NR6A1: variants seen among roughly 807,000 people sequenced by gnomAD.
NR6A1 encodes retinoic acid receptor-related testis-associated receptor.
NR6A1 carries 7 observed loss-of-function variants against 59.1 expected under a neutral mutation model. That is an observed-to-expected ratio of 0.12 (90% CI 0.07 to 0.22). NR6A1 has a LOEUF of 0.22. Among genes scored for constraint, NR6A1 ranks in the 10% least tolerant of loss-of-function variants. NR6A1 has a pLI of 1.00. For synonymous variants in NR6A1, 243 were observed against 236.1 expected, an observed-to-expected ratio of 1.03 and a Z score of -0.27; for missense variants, 468 against 611.6, an observed-to-expected ratio of 0.77 and a Z score of 2.48.
chr9:124,634,509 T>A (rs1430514140), intron 2 of NR6A1, among the ~76,000 whole-genome samples: 1 of 152,196 alleles, frequency 6.6e-6, no homozygotes, highest in Non-Finnish European at 1.5e-5. Context: ...TTAGTTTTCT[T>A]GCTTTTATTT....
chr9:124,700,029 T>C (rs559156518), intron 2 of NR6A1, among the ~76,000 whole-genome samples: 33 of 152,136 alleles, frequency 2.2e-4, no homozygotes, highest in Middle Eastern at 3.4e-3. Flanking sequence ...CCTTTTTTTT[T>C]AGTAGAGATG....
chr9:124,566,834 C>G (rs541286146), intron 2 of NR6A1, among the ~76,000 whole-genome samples: 1 of 152,156 alleles, frequency 6.6e-6, no homozygotes, highest in Non-Finnish European at 1.5e-5. Context: ...ACAGGCCGGG[C>G]GCGGTGGCTC....
chr9:124,598,663 A>AC (rs1398193530), intron 2 of NR6A1: 6 of 398,806 alleles, frequency 1.5e-5, no homozygotes, highest in Non-Finnish European at 2.6e-5. Flanking sequence ...AAAAAAAAAA[A>AC]AAAAAACAAG....
At chr9:124,547,733 T>C (rs1020279771) in intron 3 of NR6A1, among the ~76,000 whole-genome samples, 6 of 152,212 alleles carry the variant, frequency 3.9e-5, no homozygotes, top group African/African-American at 1.4e-4. Flanking sequence ...CAAGCCCAAA[T>C]TAAGGGATAT....
chr9:124,581,940 C>T (rs1298270243), intron 2 of NR6A1, among the ~76,000 whole-genome samples: 7 of 152,018 alleles, frequency 4.6e-5, no homozygotes, highest in African/African-American at 9.7e-5. Context: ...CTGGCGAGGC[C>T]GTGGAGAAAT....
At chr9:124,596,451 C>T (rs1835275817) in intron 2 of NR6A1, among the ~76,000 whole-genome samples, 1 of 152,268 alleles carries the variant, frequency 6.6e-6, no homozygotes, top group South Asian at 2.1e-4. Context: ...CCCTTCATTT[C>T]CATGCTCTGG....
chr9:124,715,802 G>C (rs1434982361), intron 2 of NR6A1, among the ~76,000 whole-genome samples: 1 of 152,178 alleles, frequency 6.6e-6, no homozygotes, highest in Non-Finnish European at 1.5e-5. Flanking sequence ...TTCAAGATCT[G>C]TTATAAAGTT....
chr9:124,697,432 C>T (rs764324571), intron 2 of NR6A1, among the ~76,000 whole-genome samples: 1 of 151,734 alleles, frequency 6.6e-6, no homozygotes, highest in Non-Finnish European at 1.5e-5. Context: ...ATAGGAGGGA[C>T]CAATCCAGTC....
At chr9:124,676,037 C>T (rs1042203583) in intron 2 of NR6A1, among the ~76,000 whole-genome samples, 1 of 152,040 alleles carries the variant, frequency 6.6e-6, no homozygotes, top group African/African-American at 2.4e-5. Context: ...GGTTTTCTTG[C>T]AAAATATAAA....
chr9:124,597,165 G>T (rs1453293991), intron 2 of NR6A1, among the ~76,000 whole-genome samples: 2 of 152,016 alleles, frequency 1.3e-5, no homozygotes, highest in Non-Finnish European at 2.9e-5. Flanking sequence ...AGCCTAAAGA[G>T]AAAGTGACCA....
intron 2 of NR6A1, among the ~76,000 whole-genome samples, chr9:124,627,962 T>C (rs1465670197): frequency 7.2e-6 from 1 of 137,990 alleles, no homozygotes; most frequent in East Asian, 2.2e-4. Flanking sequence ...TAAATGTAGA[T>C]GGAAGAAAAT....
intron 2 of NR6A1, among the ~76,000 whole-genome samples, chr9:124,667,162 G>A (rs543739903): frequency 1.5e-3 from 225 of 151,582 alleles, no homozygotes; most frequent in African/African-American, 5.3e-3. Context: ...AGCCTCCTGA[G>A]TAGCTGGGAT....
Position 124,560,990 on chromosome 9 carries a change from T to A in NR6A1, c.143-6420A>T, listed in dbSNP as rs1834069991. The stretch of plus-strand genomic sequence containing the variant: ...GTTGATCTCAGAGCCCATGGCAAGG[T>A]AAGCCTCAACTTGTGGATAGAAAAG... On this transcript the variant is annotated intron_variant, in intron 2 of 9. Coordinates refer to ENST00000487099, the MANE Select transcript of NR6A1 (RefSeq NM_033334.4). 2.0e-5 allele frequency among the ~76,000 whole-genome samples: 3 copies of A among 152,142 alleles called. 1 individual carries two copies. The highest frequency in any genetic ancestry group is 1.3e-4 in the Admixed American group (2 of 15,264).
In NR6A1 at chr9:124,752,255, C is replaced by A. The variant is rs141396726; in HGVS notation, c.100+18765G>T. On this transcript the variant is annotated intron_variant, in intron 1 of 9. Coordinates refer to ENST00000487099, the MANE Select transcript of NR6A1 (RefSeq NM_033334.4). ...CTGCACTCCAGCCTGGGCAACAGAG[C>A]AAGACTCTGTCTCAAACAAACAAAA... Among the ~76,000 whole-genome samples the A allele has an allele frequency of 6.6e-3, 1,005 of 152,066 alleles. 17 individuals are homozygous for A. Among genetic ancestry groups the A allele is most frequent in the East Asian group, 0.026 (137 of 5,170 alleles).
intron 1 of NR6A1, among the ~76,000 whole-genome samples, chr9:124,762,498 G>A (rs1265757246): frequency 6.6e-6 from 1 of 152,086 alleles, no homozygotes; most frequent in Non-Finnish European, 1.5e-5. Flanking sequence ...AGAAAATCTG[G>A]CCCCACAGAT....
chr9:124,695,379 G>A (rs565709121), intron 2 of NR6A1, among the ~76,000 whole-genome samples: 4 of 152,152 alleles, frequency 2.6e-5, no homozygotes, highest in African/African-American at 4.8e-5. Context: ...TTTTTCTTTC[G>A]TTTGTTTGTT....
intron 3 of NR6A1, among the ~76,000 whole-genome samples, chr9:124,549,329 G>A (rs2131374570): frequency 6.6e-6 from 1 of 152,356 alleles, no homozygotes; most frequent in East Asian, 1.9e-4. Context: ...AATGCAGATT[G>A]TGAGTGGGGA....
intron 2 of NR6A1, among the ~76,000 whole-genome samples, chr9:124,706,585 C>T (rs948532541): frequency 2.6e-5 from 4 of 151,992 alleles, no homozygotes; most frequent in African/African-American, 9.7e-5. Context: ...AATCTTGGCT[C>T]ATTGCAACCT....
intron 5 of NR6A1, among the ~76,000 whole-genome samples, chr9:124,538,836 A>C (rs1392399849): frequency 6.6e-6 from 1 of 151,938 alleles, no homozygotes; most frequent in Non-Finnish European, 1.5e-5. Flanking sequence ...TTAATTAAAT[A>C]TGAAGACAAA....
Sources: gnomAD v4.1 joint callset for allele counts (sites outside exome capture counted in the v4.1 genomes callset) on GRCh38, gnomAD v4.1.1 for gene constraint, MANE v1.5 for transcripts, NCBI Gene and HGNC (gene_info 2026-07-23, HGNC 2026-07-21) for gene names.